TMEM187: variants seen among roughly 807,000 people sequenced by gnomAD.
TMEM187 encodes the protein chromosome X open reading frame 12.
TMEM187 carries 14 observed loss-of-function variants against 11.8 expected under a neutral mutation model. The ratio of observed to expected loss-of-function variants is 1.18; its 90% CI spans 0.78 to 1.85. The LOEUF (loss-of-function observed/expected upper bound fraction) is 1.85, where lower values mean the gene tolerates loss of function less well. Among genes scored for constraint, TMEM187 ranks in the 40% most tolerant of loss-of-function variants. The pLI is 0.00. For missense variants in TMEM187, 227 were observed against 243.9 expected, an observed-to-expected ratio of 0.93 and a Z score of 0.46; for synonymous variants, 112 against 118.5, an observed-to-expected ratio of 0.95 and a Z score of 0.36.
chrX:153,982,246 A>C lies in TMEM187; in HGVS notation c.184A>C (p.Met62Leu). ...LAMPFNSLVN[M>L]AYTLLGLSWL... is the part of the protein sequence containing the mutation. ...CATGCCGTTCAACTCACTCGTGAAC[A>C]TGGCCTACACGCTGCTGGGGCTGTC... is the stretch of plus-strand genomic sequence containing the variant. Residue 62 changes from methionine to leucine, a missense_variant, in exon 2 of 2, where the codon ATG becomes CTG. Met to Leu is a conservative substitution (Grantham distance 15). Coordinates refer to ENST00000369982, the MANE Select transcript of TMEM187 (RefSeq NM_003492.3). The C allele has an allele frequency of 8.3e-7, 1 of 1,212,084 alleles. No homozygotes were observed. Among genetic ancestry groups the C allele is most frequent in the Non-Finnish European group, 1.1e-6 (1 of 895,566 alleles).
chrX:153,980,343 A>C (rs782215014), intron 1 of TMEM187, among the ~76,000 whole-genome samples: 1 of 111,685 alleles, frequency 9.0e-6, no homozygotes, highest in Non-Finnish European at 1.9e-5. Flanking sequence ...TGGGCAACAG[A>C]GCAAGACCCC....
At chrX:153,974,067 A>G (rs782177640) in intron 1 of TMEM187, among the ~76,000 whole-genome samples, 2 of 111,834 alleles carry the variant, frequency 1.8e-5, no homozygotes, top group African/African-American at 3.3e-5. Flanking sequence ...TCAAAGGTAC[A>G]GGGAAGCTAG....
At position 153,982,159 on chromosome X, in the gene TMEM187, G is replaced by C. The variant is rs139864308; in HGVS notation, c.97G>C (p.Val33Leu). The change falls in exon 2 of 2, where the codon GTG becomes CTG. Residue 33 changes from valine (V) to leucine (L), a missense_variant. By Grantham distance (32) the Val-to-Leu change is conservative (BLOSUM62 1). Transcript: ENST00000369982. ...VFTGIFDSVS[V>L]QVGYEHYAEA... is the part of the protein sequence containing the mutation. The stretch of plus-strand genomic sequence containing the variant: ...CACGGGCATTTTCGACAGTGTTTCC[G>C]TGCAAGTGGGCTATGAGCACTACGC... The C allele has an allele frequency of 1.7e-3, 2,108 of 1,211,711 alleles. 1 individual carries two copies. The highest frequency in any genetic ancestry group is 2.1e-3 in the Non-Finnish European group (1,912 of 895,537).
intron 1 of TMEM187, among the ~76,000 whole-genome samples, chrX:153,979,959 G>A (rs961779963): frequency 2.9e-4 from 32 of 108,561 alleles, no homozygotes; most frequent in Admixed American, 2.0e-4. Flanking sequence ...GGATGCTCTC[G>A]ATCTCCTGAC....
chrX:153,981,868 C>T lies in TMEM187; in HGVS notation c.-195C>T. On this transcript the variant is annotated 5_prime_UTR_variant, in exon 2 of 2. Transcript: ENST00000369982. ...CACAAAGGAAAAAGGCAGAACGTTC[C>T]TCCGCTGGCGCCAGCCAATCAGCAG... The T allele has an allele frequency of 2.8e-6, 2 of 712,771 alleles. No homozygotes were observed. Among genetic ancestry groups the T allele is most frequent in the African/African-American group, 2.1e-5 (1 of 47,157 alleles). 58.7% of individuals were successfully genotyped at this position (712,771 alleles called of 1,213,427 possible).
intron 1 of TMEM187, among the ~76,000 whole-genome samples, chrX:153,979,475 C>A (rs1486098922): frequency 9.1e-6 from 1 of 110,294 alleles, no homozygotes; most frequent in East Asian, 2.9e-4. Context: ...TCACCTTGGC[C>A]TTCCAAATTG....
intron 1 of TMEM187, among the ~76,000 whole-genome samples, chrX:153,978,752 TTTTTGTTTTGTTTTG>T (rs199595829): frequency 0.018 from 1,457 of 82,064 alleles, 46 homozygotes; most frequent in African/African-American, 0.059. Flanking sequence ...CCTGGCTAAT[TTTTTGTTTTGTTTTG>T]TTTTGTTTTG....
At position 153,981,952 on chromosome X, in the gene TMEM187, C is replaced by T. The variant is rs1356966525; in HGVS notation, c.-111C>T. The T allele has an allele frequency of 6.9e-6, 8 of 1,164,468 alleles. No homozygotes were observed. Among genetic ancestry groups the T allele is most frequent in the Admixed American group, 4.7e-5 (2 of 42,944 alleles). ...ATCTGCCTCGGAAATCACGAAATCA[C>T]GGGGCTTCTTTCTGCTGGCTCAGCC... On this transcript the variant is annotated 5_prime_UTR_variant, in exon 2 of 2. It adds an upstream start codon to the 5' untranslated region. Transcript: ENST00000369982.
Position 153,982,885 on chromosome X carries a change from A to C in TMEM187, c.*37A>C. ...AACCTGCTGAAAACCGATGACCCCC[A>C]GCATTGAAATGGACTCTGAGATGGC... On this transcript the variant is annotated 3_prime_UTR_variant, in exon 2 of 2. Coordinates refer to ENST00000369982, the MANE Select transcript of TMEM187 (RefSeq NM_003492.3). 8.3e-7 allele frequency: 1 copy of C among 1,211,389 alleles called. No individual in the cohort carries two copies. Among genetic ancestry groups the C allele is most frequent in the African/African-American group, 1.7e-5 (1 of 57,854 alleles).
At chrX:153,976,227 G>T (rs2065577259) in intron 1 of TMEM187, among the ~76,000 whole-genome samples, 1 of 112,040 alleles carries the variant, frequency 8.9e-6, no homozygotes, top group Admixed American at 9.5e-5. Flanking sequence ...GAATATTATT[G>T]AGCCATTTAA....
At chrX:153,979,677 C>G (rs12384878) in intron 1 of TMEM187, among the ~76,000 whole-genome samples, 22,991 of 104,999 alleles carry the variant, frequency 0.22, 2,727 homozygotes, top group East Asian at 0.75. Flanking sequence ...AGGAGGATCA[C>G]TTGAGGCCAA....
Position 153,982,444 on chromosome X carries a change from G to T in TMEM187, c.382G>T (p.Ala128Ser). Residue 128 changes from alanine to serine, a missense_variant, in exon 2 of 2, where the codon GCC becomes TCC. Coordinates refer to ENST00000369982, the MANE Select transcript of TMEM187 (RefSeq NM_003492.3). Reference sequence around the variant, plus strand: ...ACTGCCCATCTTTGCATGGCCCGTGGCCTGGTGCCTCTACCTAGACCGCGG... The same window carrying T: ...ACTGCCCATCTTTGCATGGCCCGTGTCCTGGTGCCTCTACCTAGACCGCGG... ...LTLPIFAWPV[A>S]WCLYLDRGWR... is the part of the protein sequence containing the mutation. 1 of 1,202,900 alleles carries T rather than the reference G, an allele frequency of 8.3e-7. No homozygotes were observed. The highest frequency in any genetic ancestry group is 1.8e-5 in the South Asian group (1 of 56,399).
chrX:153,980,076 G>A (rs782318863), intron 1 of TMEM187, among the ~76,000 whole-genome samples: 6 of 107,849 alleles, frequency 5.6e-5, no homozygotes, highest in South Asian at 4.1e-4. Flanking sequence ...CAGGCCGGGC[G>A]CTGTGGTAGG....
intron 1 of TMEM187, among the ~76,000 whole-genome samples, chrX:153,977,277 A>G (rs1298364394): frequency 8.9e-6 from 1 of 112,368 alleles, no homozygotes; most frequent in Non-Finnish European, 1.9e-5. Context: ...TGATCATTAT[A>G]CATTATATAC....
chrX:153,974,972 T>A (rs2065572043), intron 1 of TMEM187, among the ~76,000 whole-genome samples: 1 of 112,104 alleles, frequency 8.9e-6, no homozygotes, highest in South Asian at 3.7e-4. Context: ...GGCTTTGTTC[T>A]TTAATATAAT....
intron 1 of TMEM187, among the ~76,000 whole-genome samples, chrX:153,975,605 C>T (rs1408743200): frequency 2.3e-5 from 2 of 87,879 alleles, no homozygotes; most frequent in African/African-American, 8.7e-5. Context: ...GCTGGGATTA[C>T]AGGTGTGAGC....
At chrX:153,979,962 C>T (rs367760830) in intron 1 of TMEM187, among the ~76,000 whole-genome samples, 1 of 109,176 alleles carries the variant, frequency 9.2e-6, no homozygotes, top group Admixed American at 9.9e-5. Context: ...TGCTCTCGAT[C>T]TCCTGACCTC....
In TMEM187 at chrX:153,981,894, G is replaced by A. The variant is rs1360827436; in HGVS notation, c.-169G>A. ...TCCGCTGGCGCCAGCCAATCAGCAG[G>A]ACTCCTGCCTTCCTTCGGGGCAAGG... On this transcript the variant is annotated 5_prime_UTR_variant, in exon 2 of 2. Coordinates refer to ENST00000369982, the MANE Select transcript of TMEM187 (RefSeq NM_003492.3). 2.2e-6 allele frequency: 2 copies of A among 892,610 alleles called. No individual in the cohort carries two copies. The highest frequency in any genetic ancestry group is 3.1e-6 in the Non-Finnish European group (2 of 639,868). The allele number at this position is 892,610 out of a possible 1,213,427, so 73.6% of individuals were successfully genotyped here. A position where few individuals can be genotyped will look rare whatever the true frequency, so the allele number is the denominator to read the frequency against.
chrX:153,979,754 T>A (rs1220125517), intron 1 of TMEM187, among the ~76,000 whole-genome samples: 1 of 94,536 alleles, frequency 1.1e-5, no homozygotes, highest in African/African-American at 4.2e-5. Context: ...TTTTTTTTTT[T>A]TAGATGGAGT....
Sources: allele counts gnomAD v4.1 joint callset (sites outside exome capture counted in the v4.1 genomes callset), GRCh38; gene constraint gnomAD v4.1.1; transcripts MANE v1.5; gene names NCBI Gene and HGNC (gene_info 2026-07-23, HGNC 2026-07-21).